The following STAG1 variants were observed in gnomAD, a reference collection of about 807,000 sequenced individuals.
STAG1 encodes cohesin subunit SA-1.
STAG1 carries 26 observed loss-of-function variants against 170.9 expected under a neutral mutation model. The ratio of observed to expected loss-of-function variants is 0.15; its 90% CI spans 0.11 to 0.21. STAG1 has a LOEUF of 0.21. Ranked by LOEUF, STAG1 falls within the 10% of genes least tolerant of loss-of-function variation. The pLI is 1.00. For missense variants in STAG1, 964 were observed against 1,509.5 expected, an observed-to-expected ratio of 0.64 and a Z score of 5.99; for synonymous variants, 514 against 497.7, an observed-to-expected ratio of 1.03 and a Z score of -0.44.
At chr3:136,746,395 G>C (rs999427843) in intron 1 of STAG1, among the ~76,000 whole-genome samples, 7 of 151,620 alleles carry the variant, frequency 4.6e-5, no homozygotes, top group Non-Finnish European at 1.0e-4. Flanking sequence ...AATTCTCTTG[G>C]GTCACCTGTA....
chr3:136,489,149 C>G (rs1483546549), intron 9 of STAG1, among the ~76,000 whole-genome samples: 1 of 152,156 alleles, frequency 6.6e-6, no homozygotes, highest in East Asian at 1.9e-4. Context: ...AGGTGCAATT[C>G]TATTAATCCT....
rs532883262 is a variant in STAG1 at position 136,357,979 on chromosome 3, A to G, written c.2937-131T>C. ...TAGTAAAATCTGATAAATTCAAATA[A>G]TAAACTAATGTGAATATATAGGACA... On this transcript the variant is annotated intron_variant, in intron 27 of 33. Transcript: ENST00000383202. 9.8e-6 allele frequency: 7 copies of G among 716,932 alleles called. No homozygotes were observed. In the South Asian group the frequency reaches 1.3e-4, roughly 14 times the overall value. The allele number at this position is 716,932 out of a possible 1,614,324, so 44.4% of individuals were successfully genotyped here.
At chr3:136,422,153 C>CAA (rs11312063) in intron 19 of STAG1, among the ~76,000 whole-genome samples, 328 of 96,464 alleles carry the variant, frequency 3.4e-3, no homozygotes, top group African/African-American at 0.013. Flanking sequence ...GACTCTGCCT[C>CAA]AAAAAAAAAA....
chr3:136,510,598 T>C (rs1934012626), intron 7 of STAG1, among the ~76,000 whole-genome samples: 1 of 150,814 alleles, frequency 6.6e-6, no homozygotes, highest in Non-Finnish European at 1.5e-5. Flanking sequence ...TCACGAGATC[T>C]GATGGGATGT....
intron 5 of STAG1, among the ~76,000 whole-genome samples, chr3:136,561,652 T>A (rs1247512046): frequency 6.6e-6 from 1 of 152,190 alleles, no homozygotes; most frequent in Admixed American, 6.6e-5. Context: ...TTGAATAACA[T>A]CATTTTAAAA....
intron 4 of STAG1, among the ~76,000 whole-genome samples, chr3:136,581,032 T>C (rs1937581221): frequency 6.6e-6 from 1 of 152,132 alleles, no homozygotes; most frequent in Non-Finnish European, 1.5e-5. Flanking sequence ...CAAAAATTTT[T>C]TTGTAGAGAT....
chr3:136,516,247 G>A (rs1437026011), intron 7 of STAG1, among the ~76,000 whole-genome samples: 1 of 152,088 alleles, frequency 6.6e-6, no homozygotes, highest in Non-Finnish European at 1.5e-5. Flanking sequence ...GGCTGGGTGT[G>A]GTTGTAATCC....
intron 20 of STAG1, among the ~76,000 whole-genome samples, chr3:136,418,402 GTT>G (rs1416733833): frequency 1.1e-5 from 1 of 89,392 alleles, no homozygotes; most frequent in African/African-American, 5.1e-5. Context: ...AAAAAAAAAG[GTT>G]TTTTTCATTT....
intron 1 of STAG1, among the ~76,000 whole-genome samples, chr3:136,691,348 T>A (rs148571241): frequency 6.6e-6 from 1 of 151,144 alleles, no homozygotes; most frequent in Non-Finnish European, 1.5e-5. Context: ...GGCAGAAGAA[T>A]GGCATGAACC....
chr3:136,747,797 A>G (rs1935022911), intron 1 of STAG1, among the ~76,000 whole-genome samples: 1 of 148,248 alleles, frequency 6.7e-6, no homozygotes, highest in Non-Finnish European at 1.5e-5. Flanking sequence ...TTTTTTTGAG[A>G]CGGAGTCTCA....
At chr3:136,673,545 T>C (rs1942039291) in intron 1 of STAG1, among the ~76,000 whole-genome samples, 1 of 152,164 alleles carries the variant, frequency 6.6e-6, no homozygotes, top group Admixed American at 6.5e-5. Context: ...TGAAAAACTG[T>C]AATAAAATAG....
chr3:136,488,447 A>G (rs2090059628), intron 9 of STAG1, among the ~76,000 whole-genome samples: 1 of 152,228 alleles, frequency 6.6e-6, no homozygotes, highest in Non-Finnish European at 1.5e-5. Context: ...GACACCACCA[A>G]GTTTGGGAGT....
At chr3:136,702,075 AAGAGAGAG>A (rs745623191) in intron 1 of STAG1, among the ~76,000 whole-genome samples, 1,940 of 92,150 alleles carry the variant, frequency 0.021, 40 homozygotes, top group African/African-American at 0.052. Flanking sequence ...ACCATGCCGA[AAGAGAGAG>A]AGAGAGAGAG....
intron 13 of STAG1, among the ~76,000 whole-genome samples, chr3:136,463,740 T>TGTGC (rs369677863): frequency 0.36 from 35,966 of 101,302 alleles, 6,357 homozygotes; most frequent in East Asian, 0.68. Flanking sequence ...TGTATATGTG[T>TGTGC]GTGTGTGTGT....
At chr3:136,739,526 A>G (rs1208431489) in intron 1 of STAG1, among the ~76,000 whole-genome samples, 5 of 150,576 alleles carry the variant, frequency 3.3e-5, no homozygotes, top group African/African-American at 9.8e-5. Flanking sequence ...AAAAGAAAAA[A>G]AAAAAAAGAA....
Position 136,343,306 on chromosome 3 carries a change from A to T in STAG1, c.3446+526T>A, listed in dbSNP as rs143563224. On this transcript the variant is annotated intron_variant, in intron 30 of 33. Transcript: ENST00000383202. ...GAAAACATTTTAATTACTAGCATGG[A>T]GGAAAGGTAAGACCTTGATTTTCTC... 9.5e-3 allele frequency among the ~76,000 whole-genome samples: 1,452 copies of T among 152,356 alleles called. 15 individuals carry two copies. Among genetic ancestry groups the T allele is most frequent in the Non-Finnish European group, 0.015 (1,052 of 68,028 alleles).
chr3:136,604,034 CA>C (rs111626210), intron 4 of STAG1, among the ~76,000 whole-genome samples: 185 of 148,798 alleles, frequency 1.2e-3, no homozygotes, highest in African/African-American at 2.5e-3. Context: ...AAATCAGATT[CA>C]AAAAAAAAAT....
At chr3:136,437,018 G>C (rs894874717) in intron 15 of STAG1, among the ~76,000 whole-genome samples, 1 of 152,180 alleles carries the variant, frequency 6.6e-6, no homozygotes, top group Non-Finnish European at 1.5e-5. Context: ...CTATTTTTAT[G>C]ATTTCAGAAA....
chr3:136,495,504 A>T (rs978412601), intron 9 of STAG1, among the ~76,000 whole-genome samples: 3 of 152,172 alleles, frequency 2.0e-5, no homozygotes, highest in African/African-American at 7.2e-5. Flanking sequence ...AAAGCTATAC[A>T]TCTGTTCACG....
Sources: gnomAD v4.1 joint callset for allele counts (sites outside exome capture counted in the v4.1 genomes callset) on GRCh38, gnomAD v4.1.1 for gene constraint, MANE v1.5 for transcripts, NCBI Gene and HGNC (gene_info 2026-07-23, HGNC 2026-07-21) for gene names.